Variants in RBFOX1 observed in about 807,000 individuals in gnomAD.
The protein encoded by RBFOX1 is RNA binding fox-1 homolog 1.
In RBFOX1, 8 loss-of-function variants were observed where a neutral mutation model predicts 57.7. The ratio of observed to expected loss-of-function variants is 0.14; its 90% CI spans 0.08 to 0.25. The LOEUF (loss-of-function observed/expected upper bound fraction) is 0.25, where lower values mean the gene tolerates loss of function less well. Ranked by LOEUF, RBFOX1 falls within the 10% of genes least tolerant of loss-of-function variation. The pLI is 1.00. For synonymous variants in RBFOX1, 326 were observed against 222.4 expected (o/e 1.47, Z -4.15); for missense variants, 611 against 548.5 (o/e 1.11, Z -1.14).
At chr16:6,571,785 AT>A (rs2097348318) in intron 2 of RBFOX1, among the ~76,000 whole-genome samples, 1 of 152,218 alleles carries the variant, frequency 6.6e-6, no homozygotes, top group East Asian at 1.9e-4. Flanking sequence ...CTCAGTAAAT[AT>A]TTTTTGAGTG....
intron 10 of RBFOX1, among the ~76,000 whole-genome samples, chr16:7,627,400 T>C (rs1263492026): frequency 6.6e-6 from 1 of 152,150 alleles, no homozygotes; most frequent in Non-Finnish European, 1.5e-5. Flanking sequence ...TAGGTAGTGG[T>C]ATAAATTGAC....
chr16:6,804,384 C>T (rs1224606298), intron 3 of RBFOX1, among the ~76,000 whole-genome samples: 1 of 152,088 alleles, frequency 6.6e-6, no homozygotes, highest in African/African-American at 2.4e-5. Context: ...AATAGGATCC[C>T]TAATGCCCCA....
rs112574698 is a variant in RBFOX1 at position 5,687,216 on chromosome 16, T to C, written c.318+88255T>C. Among the ~76,000 whole-genome samples the C allele has an allele frequency of 3.9e-3, 592 of 152,304 alleles. 4 individuals are homozygous for C. Among genetic ancestry groups the C allele is most frequent in the African/African-American group, 0.013 (559 of 41,560 alleles). On this transcript the variant is annotated intron_variant, in intron 3 of 19. Coordinates refer to the RBFOX1 transcript ENST00000641259. ...GGGAGACAATTAAGGTTGAATGTGA[T>C]GTGTGCTTAATAGGAGTGGAACAGT... is the stretch of plus-strand genomic sequence containing the variant.
In RBFOX1 at chr16:6,093,826, C is replaced by G. The variant is rs536579301; in HGVS notation, c.-127+73834C>G. On this transcript the variant is annotated intron_variant, in intron 1 of 15. Transcript: ENST00000550418. ...TAAAGATGGGGGTCTCACTGTGTTG[C>G]CCAGGCTGATCTCAAACTCCTAGGC... Among the ~76,000 whole-genome samples, 46 of 151,940 alleles carry G rather than the reference C, an allele frequency of 3.0e-4. No individual in the cohort carries two copies. In the South Asian group the frequency reaches 7.7e-3, roughly 25 times the overall value.
At chr16:5,711,032 C>T (rs1040476214) in intron 3 of RBFOX1, among the ~76,000 whole-genome samples, 2 of 152,056 alleles carry the variant, frequency 1.3e-5, no homozygotes, top group East Asian at 3.9e-4. Context: ...AGGAGACATG[C>T]CTCTGGACTC....
At chr16:7,221,083 G>C (rs1457345615) in intron 4 of RBFOX1, among the ~76,000 whole-genome samples, 2 of 152,110 alleles carry the variant, frequency 1.3e-5, no homozygotes, top group African/African-American at 4.8e-5. Flanking sequence ...AATGAAGCCA[G>C]GTTGATGTGA....
intron 2 of RBFOX1, among the ~76,000 whole-genome samples, chr16:6,502,489 C>G (rs1322579990): frequency 6.6e-6 from 1 of 152,064 alleles, no homozygotes; most frequent in Non-Finnish European, 1.5e-5. Flanking sequence ...GGCAGTATAA[C>G]CCATCTACTA....
intron 2 of RBFOX1, among the ~76,000 whole-genome samples, chr16:6,429,732 C>G (rs1413001978): frequency 6.6e-6 from 1 of 152,194 alleles, no homozygotes; most frequent in African/African-American, 2.4e-5. Flanking sequence ...TTCTCCTGCA[C>G]AAGCTCTCTT....
At chr16:5,938,203 G>T (rs1449450368) in intron 4 of RBFOX1, among the ~76,000 whole-genome samples, 1 of 151,982 alleles carries the variant, frequency 6.6e-6, no homozygotes, top group African/African-American at 2.4e-5. Context: ...ACCTATCTTG[G>T]TGTCTTCCTG....
chr16:5,403,349 CAAAA>C (rs767830099), intron 1 of RBFOX1, among the ~76,000 whole-genome samples: 3 of 82,272 alleles, frequency 3.6e-5, no homozygotes, highest in South Asian at 9.0e-4. Context: ...AACGCTGTCT[CAAAA>C]AAAAAAAAAA....
intron 3 of RBFOX1, among the ~76,000 whole-genome samples, chr16:6,943,882 A>G (rs188708947): frequency 7.2e-5 from 11 of 152,178 alleles, no homozygotes; most frequent in East Asian, 1.9e-4. Context: ...GCTGATTTCT[A>G]TACATCACTT....
intron 4 of RBFOX1, among the ~76,000 whole-genome samples, chr16:7,192,309 C>T (rs182918239): frequency 6.6e-6 from 1 of 152,116 alleles, no homozygotes; most frequent in Non-Finnish European, 1.5e-5. Flanking sequence ...GGGAAAATGT[C>T]ATATTCAGTG....
At chr16:6,322,563 A>G (rs954221047) in intron 2 of RBFOX1, among the ~76,000 whole-genome samples, 3 of 152,150 alleles carry the variant, frequency 2.0e-5, no homozygotes, top group Non-Finnish European at 2.9e-5. Context: ...GATAAAGAAA[A>G]TCCTAAGCCA....
chr16:6,249,670 G>T (rs2097591914), intron 1 of RBFOX1, among the ~76,000 whole-genome samples: 1 of 152,082 alleles, frequency 6.6e-6, no homozygotes, highest in Admixed American at 6.6e-5. Flanking sequence ...GTGAGATCTA[G>T]CCAGGGCATC....
chr16:7,425,874 A>T (rs1173954390), intron 4 of RBFOX1, among the ~76,000 whole-genome samples: 3 of 152,192 alleles, frequency 2.0e-5, no homozygotes, highest in Admixed American at 1.3e-4. Context: ...GCATTATACA[A>T]ACAGTGATAA....
intron 2 of RBFOX1, among the ~76,000 whole-genome samples, chr16:5,590,074 CACAA>C (rs1420020751): frequency 1.0e-5 from 1 of 97,718 alleles, no homozygotes; most frequent in East Asian, 3.6e-4. Flanking sequence ...CACACACACA[CACAA>C]AAAGGGCAGC....
intron 1 of RBFOX1, among the ~76,000 whole-genome samples, chr16:5,370,207 A>G (rs969088055): frequency 6.6e-6 from 1 of 152,114 alleles, no homozygotes; most frequent in Non-Finnish European, 1.5e-5. Context: ...CCCACAGGCT[A>G]TTTCTGCAGA....
At chr16:5,523,773 A>G (rs1006220498) in intron 2 of RBFOX1, among the ~76,000 whole-genome samples, 1 of 152,176 alleles carries the variant, frequency 6.6e-6, no homozygotes, top group Non-Finnish European at 1.5e-5. Context: ...TTTTCATAAC[A>G]TTTCCTCTTA....
At chr16:5,522,785 G>A (rs147172561) in intron 2 of RBFOX1, among the ~76,000 whole-genome samples, 1 of 152,168 alleles carries the variant, frequency 6.6e-6, no homozygotes, top group South Asian at 2.1e-4. Flanking sequence ...GAGTAAGAAT[G>A]CGTCACGTTT....
Sources: gnomAD v4.1 joint callset for allele counts (sites outside exome capture counted in the v4.1 genomes callset) on GRCh38, gnomAD v4.1.1 for gene constraint, MANE v1.5 for transcripts, NCBI Gene and HGNC (gene_info 2026-07-23, HGNC 2026-07-21) for gene names.